The following RPS6KA3 variants were observed in gnomAD, a reference collection of about 807,000 sequenced individuals.
RPS6KA3 encodes the protein ribosomal protein S6 kinase A3.
A neutral mutation model predicts 67.2 loss-of-function variants in RPS6KA3; 4 were observed. The ratio of observed to expected loss-of-function variants is 0.06; its 90% confidence interval spans 0.03 to 0.14. The LOEUF is 0.14. Among genes scored for constraint, RPS6KA3 ranks in the 10% least tolerant of loss-of-function variants. The pLI, the probability that RPS6KA3 is intolerant of heterozygous loss-of-function variation, is 1.00. For missense variants in RPS6KA3, 204 were observed against 559.0 expected (o/e 0.36, Z 6.40); for synonymous variants, 182 against 183.7 (o/e 0.99, Z 0.07).
intron 1 of RPS6KA3, among the ~76,000 whole-genome samples, chrX:20,250,051 A>T (rs2069819654): frequency 8.9e-6 from 1 of 112,408 alleles, no homozygotes; most frequent in Non-Finnish European, 1.9e-5. Context: ...ACTTTGACAA[A>T]AATCAGTTGG....
chrX:20,243,797 AAACCCCTACTCTT>A (rs1453531944), intron 1 of RPS6KA3, among the ~76,000 whole-genome samples: 23 of 111,423 alleles, frequency 2.1e-4, no homozygotes, highest in African/African-American at 6.8e-4. Flanking sequence ...GCTGGCCCTA[AAACCCCTACTCTT>A]AATCACATAA....
At chrX:20,212,428 G>A (rs1380237697) in intron 2 of RPS6KA3, among the ~76,000 whole-genome samples, 1 of 111,267 alleles carries the variant, frequency 9.0e-6, no homozygotes, top group African/African-American at 3.3e-5. Context: ...AACCCAGGAG[G>A]CAGAGGTTGC....
intron 2 of RPS6KA3, among the ~76,000 whole-genome samples, chrX:20,211,598 T>C (rs2068717894): frequency 9.1e-6 from 1 of 109,598 alleles, no homozygotes. Context: ...AAACAAAACC[T>C]ACACACACAA....
At chrX:20,158,563 C>T (rs1245030651) in intron 20 of RPS6KA3, among the ~76,000 whole-genome samples, 4 of 110,068 alleles carry the variant, frequency 3.6e-5, no homozygotes, top group Non-Finnish European at 7.6e-5. Flanking sequence ...CGCAATTGAA[C>T]AGAGCTGGAA....
At chrX:20,230,966 CT>C (rs1013913580) in intron 2 of RPS6KA3, among the ~76,000 whole-genome samples, 23 of 106,939 alleles carry the variant, frequency 2.2e-4, no homozygotes, top group Non-Finnish European at 2.9e-4. Context: ...AAAACTATAA[CT>C]TTTTTTTTTT....
chrX:20,186,631 T>C (rs1285376990), intron 9 of RPS6KA3, among the ~76,000 whole-genome samples: 1 of 108,572 alleles, frequency 9.2e-6, no homozygotes, highest in Non-Finnish European at 1.9e-5. Flanking sequence ...CTGGCTCTGT[T>C]GCCCAGGCTG....
chrX:20,180,697 T>C (rs935356651), intron 10 of RPS6KA3, among the ~76,000 whole-genome samples: 3 of 112,385 alleles, frequency 2.7e-5, no homozygotes, highest in Non-Finnish European at 5.6e-5. Flanking sequence ...CATGAAACTC[T>C]GCCACTTCTT....
intron 2 of RPS6KA3, chrX:20,218,696 A>G: frequency 1.7e-6 from 1 of 577,322 alleles, no homozygotes; most frequent in Non-Finnish European, 2.8e-6. Flanking sequence ...GAATTTTGAA[A>G]AGCTGCTTTA....
In RPS6KA3 at chrX:20,194,249, C is replaced by T. The variant is rs772063273; in HGVS notation, c.426G>A (p.Lys142=). The change falls in exon 6 of 22, where the codon AAG becomes AAA. Residue 142 remains lysine, a synonymous_variant. Transcript: ENST00000379565. ...KLHYAFQTEG[K]LYLILDFLRG... The stretch of plus-strand genomic sequence containing the variant: ...TGAGAAAATCCAAAATAAGATACAA[C>T]TTCCCTTCAGTTTGAAAAGCTGAAT... 2 of 1,190,751 alleles carry T rather than the reference C, an allele frequency of 1.7e-6. No individual in the cohort carries two copies. Among genetic ancestry groups the T allele is most frequent in the East Asian group, 5.9e-5 (2 of 33,616 alleles).
chrX:20,162,285 G>A (rs1454710819), intron 19 of RPS6KA3, among the ~76,000 whole-genome samples: 1 of 103,998 alleles, frequency 9.6e-6, no homozygotes, highest in African/African-American at 3.5e-5. Flanking sequence ...GCAGTGAGCC[G>A]AGATCGTGCT....
At chrX:20,158,387 A>AG (rs1555925405) in intron 20 of RPS6KA3, among the ~76,000 whole-genome samples, 16 of 97,400 alleles carry the variant, frequency 1.6e-4, no homozygotes, top group African/African-American at 3.8e-4. Context: ...AAAAAAAAAA[A>AG]AGAGAGAGAG....
chrX:20,224,542 A>G (rs1304983423), intron 2 of RPS6KA3, among the ~76,000 whole-genome samples: 1 of 111,542 alleles, frequency 9.0e-6, no homozygotes, highest in East Asian at 2.8e-4. Context: ...TGTGTGGATC[A>G]TTCCTTTTTT....
intron 1 of RPS6KA3, among the ~76,000 whole-genome samples, chrX:20,252,410 T>A (rs1369911126): frequency 9.0e-6 from 1 of 110,840 alleles, no homozygotes; most frequent in Admixed American, 9.6e-5. Flanking sequence ...TCCTATTTAA[T>A]CTTTTTTTTT....
Position 20,155,217 on chromosome X carries a change from T to C in RPS6KA3, c.*181A>G. ...TTCCGAAGCTCCAGGAAAATCTAAC[T>C]TGCTAACAATCATTTAAAGCGAGAA... On this transcript the variant is annotated 3_prime_UTR_variant, in exon 22 of 22. Coordinates refer to ENST00000379565, the MANE Select transcript of RPS6KA3 (RefSeq NM_004586.3). The C allele has an allele frequency of 1.9e-6, 1 of 524,846 alleles. No homozygotes were observed. The allele number at this position is 524,846 out of a possible 1,213,427, so 43.3% of individuals were successfully genotyped here.
intron 10 of RPS6KA3, among the ~76,000 whole-genome samples, chrX:20,185,364 ATTTTC>A (rs771638684): frequency 6.9e-4 from 76 of 110,018 alleles, no homozygotes; most frequent in East Asian, 6.3e-3. Flanking sequence ...TGATCACTGG[ATTTTC>A]TTTTCTTTTC....
At chrX:20,214,696 A>G (rs1234705206) in intron 2 of RPS6KA3, among the ~76,000 whole-genome samples, 1 of 111,554 alleles carries the variant, frequency 9.0e-6, no homozygotes, top group East Asian at 2.8e-4. Flanking sequence ...GAATTCTAAC[A>G]TATCTTTGAT....
intron 2 of RPS6KA3, among the ~76,000 whole-genome samples, chrX:20,210,455 T>C (rs760244150): frequency 8.9e-6 from 1 of 112,067 alleles, no homozygotes; most frequent in South Asian, 3.7e-4. Flanking sequence ...TCATATCCCA[T>C]ACAAACATTT....
At chrX:20,182,299 T>C (rs1465084627) in intron 10 of RPS6KA3, among the ~76,000 whole-genome samples, 1 of 112,056 alleles carries the variant, frequency 8.9e-6, no homozygotes. Flanking sequence ...TAGAATCATA[T>C]AGTACTTTTT....
intron 4 of RPS6KA3, among the ~76,000 whole-genome samples, chrX:20,196,951 T>C (rs2068289414): frequency 8.9e-6 from 1 of 112,017 alleles, no homozygotes; most frequent in African/African-American, 3.2e-5. Flanking sequence ...GTTATTCTTC[T>C]GCCTCAGCTT....
Sources: gnomAD v4.1 joint callset for allele counts (sites outside exome capture counted in the v4.1 genomes callset) on GRCh38, gnomAD v4.1.1 for gene constraint, MANE v1.5 for transcripts, NCBI Gene and HGNC (gene_info 2026-07-23, HGNC 2026-07-21) for gene names.